Variants in PTPRE observed in about 807,000 individuals in gnomAD.
PTPRE encodes the protein receptor-type tyrosine-protein phosphatase epsilon.
PTPRE carries 51 observed loss-of-function variants against 102.0 expected under a neutral mutation model. That is an observed-to-expected ratio of 0.50 (90% CI 0.40 to 0.63). The LOEUF is 0.63. PTPRE is among the 30% of genes least tolerant of loss of function. The pLI is 0.00. For missense variants in PTPRE, 752 were observed against 915.1 expected (o/e 0.82, Z 2.30); for synonymous variants, 345 against 348.2 (o/e 0.99, Z 0.10).
At chr10:127,919,330 C>A (rs923537529) in intron 1 of PTPRE, among the ~76,000 whole-genome samples, 1 of 152,208 alleles carries the variant, frequency 6.6e-6, no homozygotes, top group Non-Finnish European at 1.5e-5. Context: ...TCTACCCTTG[C>A]GCTTTAGATG....
intron 2 of PTPRE, among the ~76,000 whole-genome samples, chr10:128,023,305 A>T (rs1846055334): frequency 6.6e-6 from 1 of 152,184 alleles, no homozygotes; most frequent in Non-Finnish European, 1.5e-5. Flanking sequence ...TAGTATGTAT[A>T]GGAAAAAGGA....
chr10:128,046,511 G>A (rs968457755), intron 3 of PTPRE, among the ~76,000 whole-genome samples: 1 of 152,228 alleles, frequency 6.6e-6, no homozygotes, highest in African/African-American at 2.4e-5. Flanking sequence ...GCGCTTTGAG[G>A]CATCCAGGGC....
At chr10:128,067,053 C>T (rs896216234) in intron 11 of PTPRE, among the ~76,000 whole-genome samples, 2 of 151,240 alleles carry the variant, frequency 1.3e-5, no homozygotes, top group Non-Finnish European at 2.9e-5. Context: ...CACACACATG[C>T]ATGCACATGC....
At chr10:127,942,618 C>G (rs1047383832) in intron 1 of PTPRE, among the ~76,000 whole-genome samples, 8 of 152,206 alleles carry the variant, frequency 5.3e-5, no homozygotes, top group African/African-American at 1.9e-4. Context: ...AAGCCAGTTA[C>G]ACACAGACAA....
intron 17 of PTPRE, 21 bp from the exon 18 acceptor site, chr10:128,076,582 A>G: frequency 6.4e-7 from 1 of 1,557,600 alleles, no homozygotes; most frequent in Non-Finnish European, 8.6e-7. Context: ...CAAGACTTAA[A>G]TTTTTATTTT....
chr10:127,962,660 C>T (rs1464524855), intron 1 of PTPRE, among the ~76,000 whole-genome samples: 1 of 152,218 alleles, frequency 6.6e-6, no homozygotes, highest in Non-Finnish European at 1.5e-5. Flanking sequence ...AAGCCGGAGG[C>T]CCTCAGCGGG....
At chr10:128,069,626 C>T (rs950893029) in intron 12 of PTPRE, 66 bp from the exon 13 acceptor site, 96 of 1,594,894 alleles carry the variant, frequency 6.0e-5, no homozygotes, top group South Asian at 3.6e-4. Context: ...CAGGCCCCTT[C>T]GGGGCCTTTC....
chr10:128,004,655 A>C (rs1417386287), intron 2 of PTPRE, among the ~76,000 whole-genome samples: 1 of 152,226 alleles, frequency 6.6e-6, no homozygotes, highest in Non-Finnish European at 1.5e-5. Flanking sequence ...CAGTGGATGA[A>C]CTTAGGTTAG....
rs143807242 is a variant in PTPRE, at chr10:128,054,956, C to T, written c.421-1167C>T. ...GTCTGGGTGCCGCTCTAGGCTCCTG[C>T]CCCTTGCTTGCTGGGTGACCCTGGA... is the stretch of plus-strand genomic sequence containing the variant. On this transcript the variant is annotated intron_variant, in intron 6 of 20. Coordinates refer to ENST00000254667, the MANE Select transcript of PTPRE (RefSeq NM_006504.6). 9.8e-3 allele frequency among the ~76,000 whole-genome samples: 1,498 copies of T among 152,240 alleles called. 32 individuals are homozygous for T. The highest frequency in any genetic ancestry group is 0.034 in the African/African-American group (1,408 of 41,562).
intron 1 of PTPRE, among the ~76,000 whole-genome samples, chr10:127,958,434 T>A (rs1849557076): frequency 6.6e-6 from 1 of 152,240 alleles, no homozygotes; most frequent in Non-Finnish European, 1.5e-5. Context: ...CGTGCTTTTT[T>A]TTGCATCTGT....
chr10:128,061,783 T>C (rs1394146135), intron 9 of PTPRE, 68 bp downstream of exon 9: 3 of 1,530,582 alleles, frequency 2.0e-6, no homozygotes, highest in Non-Finnish European at 2.6e-6. Flanking sequence ...CTTCTCTGTA[T>C]GCCAACAAGA....
rs201317856 is a variant in PTPRE, at chr10:128,047,460, C to G, written c.180C>G (p.Leu60=). 4 of 1,613,296 alleles carry G rather than the reference C, an allele frequency of 2.5e-6. No homozygotes were observed. The highest frequency in any genetic ancestry group is 3.4e-6 in the Non-Finnish European group (4 of 1,180,042). Residue 60 remains leucine, a synonymous_variant, in exon 4 of 21, where the codon CTC becomes CTG. Transcript: ENST00000254667. ...WLLLPLLLLL[L]VLLLAAYFFR... is the part of the protein sequence containing the mutation. ...TACTGCCGCTGCTGCTCCTCCTCCT[C>G]GTGCTCCTTCTCGCCGCCTACTTCT...
At chr10:128,062,270 G>A (rs56365377) in intron 9 of PTPRE, among the ~76,000 whole-genome samples, 3,295 of 152,254 alleles carry the variant, frequency 0.022, 50 homozygotes, top group African/African-American at 0.033. Flanking sequence ...GGAGTCTTTA[G>A]GGCAATGAGC....
intron 10 of PTPRE, among the ~76,000 whole-genome samples, chr10:128,063,486 T>TA (rs1175402434): frequency 1.3e-5 from 2 of 152,182 alleles, no homozygotes; most frequent in Non-Finnish European, 2.9e-5. Flanking sequence ...ACATGAATCT[T>TA]AGAGTTTTAG....
At chr10:128,068,471 C>A in intron 12 of PTPRE, 185 bp downstream of exon 12, 1 of 563,506 alleles carries the variant, frequency 1.8e-6, no homozygotes, top group Non-Finnish European at 2.8e-6. Context: ...TTCAGAGAGC[C>A]CCCTCTTCAT....
intron 1 of PTPRE, among the ~76,000 whole-genome samples, chr10:127,975,106 G>A (rs578227534): frequency 5.4e-4 from 82 of 152,296 alleles, no homozygotes; most frequent in South Asian, 1.2e-3. Flanking sequence ...ATCACCTGGC[G>A]TCTAGTGGGT....
In PTPRE at chr10:128,061,688, G is replaced by A. The variant is rs724159931; in HGVS notation, c.598G>A (p.Glu200Lys). The A allele has an allele frequency of 3.2e-6, 5 of 1,582,056 alleles. No homozygotes were observed. The highest frequency in any genetic ancestry group is 3.4e-6 in the Non-Finnish European group (4 of 1,166,676). Residue 200 changes from glutamate to lysine, a missense_variant, in exon 9 of 21, where the codon GAG becomes AAG. Coordinates refer to ENST00000254667, the MANE Select transcript of PTPRE (RefSeq NM_006504.6). ...ATGTTATTTTTTCTAGGGTTACAAAGAGAAGAATAAATTCATAGCAGCTCA... is the reference window on the plus strand; with the variant it reads ...ATGTTATTTTTTCTAGGGTTACAAAAAGAAGAATAAATTCATAGCAGCTCA... ...INASYIDGYK[E>K]KNKFIAAQGP...
At chr10:127,983,087 C>T (rs1851775578) in intron 2 of PTPRE, among the ~76,000 whole-genome samples, 1 of 152,158 alleles carries the variant, frequency 6.6e-6, no homozygotes, top group South Asian at 2.1e-4. Context: ...AAGGCACTGA[C>T]TCCGTTCTGA....
At chr10:127,939,274 C>A (rs946162108) in intron 1 of PTPRE, among the ~76,000 whole-genome samples, 1 of 152,212 alleles carries the variant, frequency 6.6e-6, no homozygotes, top group African/African-American at 2.4e-5. Context: ...AAGAATTCAT[C>A]TTGGAATCCT....
Sources: allele counts gnomAD v4.1 joint callset (sites outside exome capture counted in the v4.1 genomes callset), GRCh38; gene constraint gnomAD v4.1.1; transcripts MANE v1.5; gene names NCBI Gene and HGNC (gene_info 2026-07-23, HGNC 2026-07-21).